The following QSOX2 variants were observed in gnomAD, a reference collection of about 807,000 sequenced individuals.
The protein encoded by QSOX2 is quiescin sulfhydryl oxidase 2, also known as sulfhydryl oxidase 2.
A neutral mutation model predicts 61.7 loss-of-function variants in QSOX2; 46 were observed. The ratio of observed to expected loss-of-function variants is 0.75; its 90% confidence interval spans 0.59 to 0.95. The LOEUF (loss-of-function observed/expected upper bound fraction) is 0.95, where lower values mean the gene tolerates loss of function less well. QSOX2 is among the 40% of genes least tolerant of loss of function. QSOX2 has a pLI of 0.00. For missense variants in QSOX2, 879 were observed against 918.9 expected (o/e 0.96, Z 0.56); for synonymous variants, 383 against 388.4 (o/e 0.99, Z 0.16).
intron 11 of QSOX2, chr9:136,210,496 G>A: frequency 2.0e-6 from 2 of 984,928 alleles, no homozygotes; most frequent in Non-Finnish European, 2.4e-6. Flanking sequence ...GAGCTCTGTG[G>A]GCGGCGGCGA....
chr9:136,221,939 C>T lies in QSOX2; in HGVS notation c.678G>A (p.Val226=). The change falls in exon 6 of 12, where the codon GTG becomes GTA. Residue 226 remains valine (V), a splice_region_variant and synonymous_variant. Coordinates refer to ENST00000358701, the MANE Select transcript of QSOX2 (RefSeq NM_181701.4). The surrounding 1 kb of genome is among the most constrained non-coding windows in gnomAD (Gnocchi z 4.5). The part of the protein sequence containing the change: ...ESNSSYLGRE[V]ILDLIPYESI... ...TTTCATACGGGATCAGGTCTAAGAT[C>T]ACCTGGGGGATGAGAACACAATGAC... The T allele has an allele frequency of 6.3e-7, 1 of 1,589,006 alleles. No homozygotes were observed. Among genetic ancestry groups the T allele is most frequent in the Non-Finnish European group, 8.6e-7 (1 of 1,166,918 alleles).
In QSOX2 at chr9:136,209,367, C is replaced by T. The variant is rs1831818769; in HGVS notation, c.1550-92G>A. 6.5e-7 allele frequency: 1 copy of T among 1,539,812 alleles called. No individual in the cohort carries two copies. Among genetic ancestry groups the T allele is most frequent in the African/African-American group, 1.4e-5 (1 of 72,894 alleles). On this transcript the variant is annotated intron_variant, in intron 11 of 11. Coordinates refer to ENST00000358701, the MANE Select transcript of QSOX2 (RefSeq NM_181701.4). The surrounding 1 kb of genome is among the most constrained non-coding windows in gnomAD (Gnocchi z 5.6). ...GCAACCGGACTCCCACTCCCACCCA[C>T]CACGGGCCTCCACTGCCCTGGCCCA...
chr9:136,231,848 G>C (rs991346897), intron 1 of QSOX2, among the ~76,000 whole-genome samples: 1 of 151,984 alleles, frequency 6.6e-6, no homozygotes, highest in African/African-American at 2.4e-5. Flanking sequence ...CCGAGAGAGG[G>C]AGAGCGAGCC....
Position 136,224,924 on chromosome 9 carries a change from A to G in QSOX2, c.430-15T>C, listed in dbSNP as rs992161535. 6 of 1,599,956 alleles carry G rather than the reference A, an allele frequency of 3.8e-6. No individual in the cohort carries two copies. The highest frequency in any genetic ancestry group is 5.1e-6 in the Non-Finnish European group (6 of 1,172,294). On this transcript the variant is annotated splice_polypyrimidine_tract_variant and intron_variant, in intron 2 of 11. Coordinates refer to ENST00000358701, the MANE Select transcript of QSOX2 (RefSeq NM_181701.4). The stretch of plus-strand genomic sequence containing the variant: ...GCTTTAAAATACTAAGAGGAAAAAC[A>G]CAGAACAAGTAAGAGGCAGCCTTCC...
intron 10 of QSOX2, among the ~76,000 whole-genome samples, chr9:136,214,356 C>T (rs928254688): frequency 1.3e-5 from 2 of 152,240 alleles, no homozygotes; most frequent in Non-Finnish European, 2.9e-5. Context: ...CCTGTAATGT[C>T]CTCCCCTTGC....
chr9:136,221,922 G>A lies in QSOX2; in HGVS notation c.695C>T (p.Pro232Leu), dbSNP rs747493304. The part of the protein sequence containing the change: ...LGREVILDLI[P>L]YESIVVTRAL... ...TCGGGTCACCACGATGCTTTCATAC[G>A]GGATCAGGTCTAAGATCACCTGGGG... The change falls in exon 6 of 12, where the codon CCG (proline) becomes CTG (leucine). Residue 232 changes from proline to leucine, a missense_variant. Coordinates refer to ENST00000358701, the MANE Select transcript of QSOX2 (RefSeq NM_181701.4). The surrounding 1 kb of genome is among the most constrained non-coding windows in gnomAD (Gnocchi z 4.5). 5.0e-6 allele frequency: 8 copies of A among 1,606,840 alleles called. No individual in the cohort carries two copies. The highest frequency in any genetic ancestry group is 5.9e-6 in the Non-Finnish European group (7 of 1,176,496).
rs1831949883 is a variant in QSOX2 at position 136,219,078 on chromosome 9, G to A, written c.908C>T (p.Pro303Leu). The stretch of plus-strand genomic sequence containing the variant: ...GATTTCTGAATTTTCTTCTTTGTGT[G>A]GCTTTTCAGGCAAGGGAAGCGATTT... The part of the protein sequence containing the change: ...RKKSLPLPEK[P>L]HKEENSEIVV... The change falls in exon 7 of 12, where the codon CCA becomes CTA. Residue 303 changes from proline (P) to leucine (L), a missense_variant. By Grantham distance (98) the Pro-to-Leu change is moderately conservative (BLOSUM62 -3). Coordinates refer to ENST00000358701, the MANE Select transcript of QSOX2 (RefSeq NM_181701.4). 1.2e-6 allele frequency: 2 copies of A among 1,613,998 alleles called. No individual in the cohort carries two copies. Among genetic ancestry groups the A allele is most frequent in the African/African-American group, 1.3e-5 (1 of 74,934 alleles).
Position 136,209,106 on chromosome 9 carries a change from T to A in QSOX2, c.1719A>T (p.Ala573=). ...GRDNLLDTYS[A]DQGDSSEGGT... Reference sequence around the variant, plus strand: ...CTCCTTCACTGGAATCCCCCTGGTCTGCGGAATACGTGTCTAAGAGGTTGT... The same window carrying A: ...CTCCTTCACTGGAATCCCCCTGGTCAGCGGAATACGTGTCTAAGAGGTTGT... The change falls in exon 12 of 12, where the codon GCA becomes GCT. Residue 573 remains alanine, a synonymous_variant. Transcript: ENST00000358701. This position sits in a 1 kb window ranked among gnomAD's most constrained non-coding sequence, Gnocchi z 5.6. The A allele has an allele frequency of 6.2e-7, 1 of 1,614,176 alleles. No individual in the cohort carries two copies.
At chr9:136,216,454 A>C in intron 9 of QSOX2, 146 bp downstream of exon 9, 3 of 1,104,828 alleles carry the variant, frequency 2.7e-6, no homozygotes, top group Non-Finnish European at 3.9e-6. Flanking sequence ...CATGGCCATG[A>C]TGCTGTCGTG....
rs1830390333 is a variant in QSOX2, at chr9:136,237,028, AGCCTGTCCTGTGCCACACCTGGT to A, written c.328+8425_328+8447del. On this transcript the variant is annotated intron_variant, in intron 1 of 11. Transcript: ENST00000358701. The stretch of plus-strand genomic sequence containing the variant: ...CCCGTCCTGGGCCGGTGTCACCTGG[AGCCTGTCCTGTGCCACACCTGGT>A]GCCCGTCCTGTGCCACACCTGGTGC... Among the ~76,000 whole-genome samples the A allele has an allele frequency of 6.5e-5, 7 of 108,468 alleles. No homozygotes were observed. The Admixed American group carries it at 7.0e-4, about 11-fold the overall frequency. The allele number at this position is 108,468 out of a possible 152,430, so 71.2% of individuals were successfully genotyped here.
At chr9:136,218,608 G>A (rs575247172) in intron 8 of QSOX2, 71 bp downstream of exon 8, 46 of 1,535,782 alleles carry the variant, frequency 3.0e-5, no homozygotes, top group East Asian at 7.0e-5. Context: ...CGCAGTGTCC[G>A]ACGCCCCCCA....
chr9:136,231,516 G>C (rs1023789308), intron 1 of QSOX2, among the ~76,000 whole-genome samples: 1 of 152,246 alleles, frequency 6.6e-6, no homozygotes, highest in Non-Finnish European at 1.5e-5. Context: ...CTCTCCACTA[G>C]ACCAGAGGGC....
intron 1 of QSOX2, among the ~76,000 whole-genome samples, chr9:136,237,204 T>TC (rs1830392726): frequency 2.7e-5 from 2 of 73,450 alleles, no homozygotes; most frequent in African/African-American, 1.1e-4. Context: ...TGGAGCCTGC[T>TC]CTGGGCCGGC....
chr9:136,208,915 T>A lies in QSOX2; in HGVS notation c.1910A>T (p.Asp637Val). The A allele has an allele frequency of 1.2e-6, 2 of 1,613,896 alleles. No individual in the cohort carries two copies. The highest frequency in any genetic ancestry group is 1.7e-6 in the Non-Finnish European group (2 of 1,179,996). Residue 637 changes from aspartate (D) to valine (V), a missense_variant, in exon 12 of 12, where the codon GAT becomes GTT. Physicochemically the swap from Asp to Val is radical, Grantham distance 152. Transcript: ENST00000358701. ...CACCTCCTTGTGGGCCCCGGGCCCATCCAGACTCTGGAGTTTCCCGTCCAA... is the reference window on the plus strand; with the variant it reads ...CACCTCCTTGTGGGCCCCGGGCCCAACCAGACTCTGGAGTTTCCCGTCCAA... The part of the protein sequence containing the change: ...HSLDGKLQSL[D>V]GPGAHKEVGG...
Position 136,206,961 on chromosome 9 carries a change from GA to G in QSOX2, c.*1766del, listed in dbSNP as rs1335857983. 2 of 152,378 alleles carry G rather than the reference GA, an allele frequency of 1.3e-5. No individual in the cohort carries two copies. Among genetic ancestry groups the G allele is most frequent in the Non-Finnish European group, 2.9e-5 (2 of 68,048 alleles). The allele number at this position is 152,378 out of a possible 1,614,324, so 9.4% of individuals were successfully genotyped here. ...CCTGCCTGGTTTTCAAACTGGAAGA[GA>G]AACACTTTGGTGTCTTCAATAACCC... On this transcript the variant is annotated 3_prime_UTR_variant, in exon 12 of 12. Coordinates refer to ENST00000358701, the MANE Select transcript of QSOX2 (RefSeq NM_181701.4).
chr9:136,233,002 T>C (rs764346306), intron 1 of QSOX2, among the ~76,000 whole-genome samples: 73 of 151,004 alleles, frequency 4.8e-4, no homozygotes, highest in Middle Eastern at 3.5e-3. Context: ...GGTATTTTTA[T>C]GCAGGCGCAA....
chr9:136,241,767 T>A (rs576839485), intron 1 of QSOX2, among the ~76,000 whole-genome samples: 2 of 152,302 alleles, frequency 1.3e-5, no homozygotes, highest in East Asian at 3.9e-4. Context: ...ATCTACAACA[T>A]AAGCGTTCCC....
chr9:136,239,874 A>C (rs991598981), intron 1 of QSOX2, among the ~76,000 whole-genome samples: 1 of 152,288 alleles, frequency 6.6e-6, no homozygotes, highest in African/African-American at 2.4e-5. Flanking sequence ...AGGACTCGGC[A>C]GATGGACGGT....
Position 136,218,540 on chromosome 9 carries a change from C to T in QSOX2, c.1086+139G>A, listed in dbSNP as rs372286609. The T allele has an allele frequency of 2.7e-4, 276 of 1,004,984 alleles. 1 individual carries two copies. Among genetic ancestry groups the T allele is most frequent in the East Asian group, 1.9e-3 (71 of 36,458 alleles). The allele number at this position is 1,004,984 out of a possible 1,614,324, so 62.3% of individuals were successfully genotyped here. A position where few individuals can be genotyped will look rare whatever the true frequency, so the allele number is the denominator to read the frequency against. On this transcript the variant is annotated intron_variant, in intron 8 of 11. Transcript: ENST00000358701. ...GGGAAATGGGTGGAATGAGTTGGGG[C>T]GTGGGCCTGGGCGACAAAGCAAGGT...
Sources: allele counts gnomAD v4.1 joint callset (sites outside exome capture counted in the v4.1 genomes callset), GRCh38; gene constraint gnomAD v4.1.1; non-coding constraint Gnocchi (gnomAD v3.1); transcripts MANE v1.5; gene names NCBI Gene and HGNC (gene_info 2026-07-23, HGNC 2026-07-21).